The following CHSY3 variants were observed in gnomAD, a reference collection of about 807,000 sequenced individuals.
CHSY3 encodes the protein N-acetylgalactosaminyl-proteoglycan 3-beta-glucuronosyltransferase 3.
CHSY3 carries 35 observed loss-of-function variants against 67.2 expected under a neutral mutation model. That is an observed-to-expected ratio of 0.52 (90% confidence interval 0.40 to 0.69). The LOEUF is 0.69. Among genes scored for constraint, CHSY3 ranks in the 30% least tolerant of loss-of-function variants. The pLI is 0.00. For synonymous variants in CHSY3, 474 were observed against 434.7 expected, an observed-to-expected ratio of 1.09 and a Z score of -1.12; for missense variants, 1,069 against 1,138.5, an observed-to-expected ratio of 0.94 and a Z score of 0.88.
intron 2 of CHSY3, among the ~76,000 whole-genome samples, chr5:130,032,889 C>T (rs1164322099): frequency 3.3e-5 from 5 of 152,128 alleles, no homozygotes; most frequent in Admixed American, 2.0e-4. Context: ...TAGACAGCCA[C>T]GTAGACCAGA....
At chr5:130,143,810 G>GTGTGTA (rs1469625551) in intron 2 of CHSY3, among the ~76,000 whole-genome samples, 1 of 56,488 alleles carries the variant, frequency 1.8e-5, no homozygotes, top group Non-Finnish European at 3.1e-5. Flanking sequence ...ATATATGTGT[G>GTGTGTA]TATATATATA....
chr5:130,112,399 C>T (rs958623844), intron 2 of CHSY3, among the ~76,000 whole-genome samples: 4 of 152,024 alleles, frequency 2.6e-5, no homozygotes, highest in Non-Finnish European at 4.4e-5. Context: ...ACCGGATTTC[C>T]ACAGTTTCAT....
intron 2 of CHSY3, among the ~76,000 whole-genome samples, chr5:130,061,105 G>C (rs1561518456): frequency 6.6e-6 from 1 of 151,948 alleles, no homozygotes. Context: ...AATAGCCAAA[G>C]CAATCCTAAG....
chr5:130,177,464 A>G (rs1770090611), intron 2 of CHSY3, among the ~76,000 whole-genome samples: 1 of 152,082 alleles, frequency 6.6e-6, no homozygotes, highest in Non-Finnish European at 1.5e-5. Context: ...AGCTTGAAAG[A>G]TAGTTCTTTG....
intron 2 of CHSY3, among the ~76,000 whole-genome samples, chr5:129,926,537 T>A (rs1280557991): frequency 6.6e-6 from 1 of 152,004 alleles, no homozygotes; most frequent in Non-Finnish European, 1.5e-5. Flanking sequence ...TATGTTAAGA[T>A]TCATGTGATT....
At chr5:130,087,381 G>A (rs904831859) in intron 2 of CHSY3, among the ~76,000 whole-genome samples, 3 of 152,140 alleles carry the variant, frequency 2.0e-5, no homozygotes, top group African/African-American at 7.2e-5. Context: ...AATTAGGCAG[G>A]AGAAGGAAAT....
intron 2 of CHSY3, among the ~76,000 whole-genome samples, chr5:130,019,731 A>G (rs1238727942): frequency 6.6e-6 from 1 of 152,136 alleles, no homozygotes; most frequent in Non-Finnish European, 1.5e-5. Flanking sequence ...AAATTTTATA[A>G]ATTTCTTATT....
chr5:129,994,607 T>C (rs1009988988), intron 2 of CHSY3, among the ~76,000 whole-genome samples: 1 of 152,128 alleles, frequency 6.6e-6, no homozygotes, highest in Non-Finnish European at 1.5e-5. Flanking sequence ...CGTGTGTTTA[T>C]TGTGGCACTA....
At position 130,120,478 on chromosome 5, in the gene CHSY3, T is replaced by C. The variant is rs896050102; in HGVS notation, c.1087-63751T>C. The stretch of plus-strand genomic sequence containing the variant: ...ACAGAATGAAAGGTGGCATGCCAAT[T>C]TCTGAAAGAAAAAAAAAAAAAAAAA... On this transcript the variant is annotated intron_variant, in intron 2 of 2. Coordinates refer to ENST00000305031, the MANE Select transcript of CHSY3 (RefSeq NM_175856.5). Among the ~76,000 whole-genome samples the C allele has an allele frequency of 1.1e-4, 15 of 133,976 alleles. 1 individual carries two copies. The highest frequency in any genetic ancestry group is 7.9e-4 in the Admixed American group (10 of 12,722). The allele number at this position is 133,976 out of a possible 152,430, so 87.9% of individuals were successfully genotyped here. A position where few individuals can be genotyped will look rare whatever the true frequency, so the allele number is the denominator to read the frequency against.
In CHSY3 at chr5:129,929,868, A is replaced by G. The variant is rs115745896; in HGVS notation, c.1086+21508A>G. Among the ~76,000 whole-genome samples, 223 of 152,322 alleles carry G rather than the reference A, an allele frequency of 1.5e-3. 1 individual carries two copies. Among genetic ancestry groups the G allele is most frequent in the African/African-American group, 5.3e-3 (219 of 41,580 alleles). ...GCAAGTTTGTGTTGAATTTAGCCATATGCTTAGCTGTTGATAGAATATGAA... is the reference window on the plus strand; with the variant it reads ...GCAAGTTTGTGTTGAATTTAGCCATGTGCTTAGCTGTTGATAGAATATGAA... On this transcript the variant is annotated intron_variant, in intron 2 of 2. Transcript: ENST00000305031.
chr5:129,912,244 C>T (rs1264506053), intron 2 of CHSY3, among the ~76,000 whole-genome samples: 1 of 151,742 alleles, frequency 6.6e-6, no homozygotes, highest in African/African-American at 2.4e-5. Flanking sequence ...TATAAAGAAT[C>T]CCAAACAGAT....
intron 2 of CHSY3, among the ~76,000 whole-genome samples, chr5:129,955,879 T>C (rs1762156343): frequency 6.6e-6 from 1 of 152,214 alleles, no homozygotes; most frequent in South Asian, 2.1e-4. Context: ...CTTGTTCTTT[T>C]GTTATGGCTG....
At position 130,082,967 on chromosome 5, in the gene CHSY3, T is replaced by TA. The variant is rs545812756; in HGVS notation, c.1087-101256dup. On this transcript the variant is annotated intron_variant, in intron 2 of 2. Transcript: ENST00000305031. ...CAATCATGGCACACATTTACCTATA[T>TA]AAAAAATCTCACATCCTGCACATGT... Among the ~76,000 whole-genome samples the TA allele has an allele frequency of 2.6e-4, 39 of 151,742 alleles. 1 individual carries two copies. The East Asian group carries it at 5.6e-3, about 22-fold the overall frequency.
At chr5:129,951,440 G>T (rs1009642137) in intron 2 of CHSY3, among the ~76,000 whole-genome samples, 2 of 151,958 alleles carry the variant, frequency 1.3e-5, no homozygotes, top group African/African-American at 2.4e-5. Context: ...ATTTTAAAAG[G>T]CACATTTACA....
At chr5:129,968,977 AT>A (rs774988755) in intron 2 of CHSY3, among the ~76,000 whole-genome samples, 1 of 151,742 alleles carries the variant, frequency 6.6e-6, no homozygotes, top group Non-Finnish European at 1.5e-5. Context: ...TCACTGACTT[AT>A]TTTTCTGACC....
At chr5:129,921,703 T>A (rs1236379088) in intron 2 of CHSY3, among the ~76,000 whole-genome samples, 1 of 152,192 alleles carries the variant, frequency 6.6e-6, no homozygotes, top group African/African-American at 2.4e-5. Flanking sequence ...AAAACATTTT[T>A]ATTTTTAATT....
intron 2 of CHSY3, among the ~76,000 whole-genome samples, chr5:129,919,586 C>G (rs985301056): frequency 1.3e-5 from 2 of 152,112 alleles, no homozygotes; most frequent in African/African-American, 4.8e-5. Context: ...AGGGGTTTCC[C>G]CATGTAAAAC....
intron 2 of CHSY3, among the ~76,000 whole-genome samples, chr5:130,108,660 T>C (rs1432101165): frequency 6.6e-6 from 1 of 151,674 alleles, no homozygotes. Flanking sequence ...TGAGGTTGAA[T>C]TTATTGGTTT....
At chr5:130,095,156 A>G (rs990718605) in intron 2 of CHSY3, among the ~76,000 whole-genome samples, 1 of 152,216 alleles carries the variant, frequency 6.6e-6, no homozygotes, top group South Asian at 2.1e-4. Context: ...AGATGCTTAC[A>G]TATGCATGAG....
Sources: allele counts gnomAD v4.1 joint callset (sites outside exome capture counted in the v4.1 genomes callset), GRCh38; gene constraint gnomAD v4.1.1; transcripts MANE v1.5; gene names NCBI Gene and HGNC (gene_info 2026-07-23, HGNC 2026-07-21).